ATF7IP2: variants seen among roughly 807,000 people sequenced by gnomAD.
ATF7IP2 encodes the protein activating transcription factor 7 interacting protein 2, also known as activating transcription factor 7-interacting protein 2.
In ATF7IP2, 42 loss-of-function variants were observed where a neutral mutation model predicts 64.2. The observed-to-expected ratio is 0.65, with a 90% CI of 0.51 to 0.85. ATF7IP2 has a LOEUF of 0.85. Among genes scored for constraint, ATF7IP2 ranks in the 40% least tolerant of loss-of-function variants. ATF7IP2 has a pLI of 0.00. For missense variants in ATF7IP2, 933 were observed against 784.2 expected, an observed-to-expected ratio of 1.19 and a Z score of -2.27; for synonymous variants, 308 against 272.8, an observed-to-expected ratio of 1.13 and a Z score of -1.27.
chr16:10,467,063 T>A (rs17603671), intron 9 of ATF7IP2, among the ~76,000 whole-genome samples: 1,963 of 151,978 alleles, frequency 0.013, 29 homozygotes, highest in Non-Finnish European at 0.017. Context: ...CCAAATAGAG[T>A]AGGATCTGAT....
chr16:10,448,984 C>T (rs1156294488), intron 8 of ATF7IP2: 1 of 152,072 alleles, frequency 6.6e-6, no homozygotes, highest in East Asian at 1.9e-4. Context: ...AGATATGTTC[C>T]ATCAGTACCT....
intron 9 of ATF7IP2, among the ~76,000 whole-genome samples, chr16:10,469,228 A>G (rs1434640176): frequency 6.6e-6 from 1 of 152,160 alleles, no homozygotes. Context: ...TATTGCCAAT[A>G]TATCAGTGAA....
At chr16:10,441,687 T>C (rs1445845286) in intron 8 of ATF7IP2, among the ~76,000 whole-genome samples, 1 of 152,252 alleles carries the variant, frequency 6.6e-6, no homozygotes, top group Non-Finnish European at 1.5e-5. Flanking sequence ...TCTCCCATTC[T>C]GTAGGTTGCC....
chr16:10,447,912 G>C (rs1026644564), intron 8 of ATF7IP2: 1 of 152,142 alleles, frequency 6.6e-6, no homozygotes, highest in Non-Finnish European at 1.5e-5. Context: ...TAGGTCTTAT[G>C]GTTAAGTCTT....
rs551402222 is a variant in ATF7IP2 at position 10,474,050 on chromosome 16, G to A, written c.1549+61G>A. The A allele has an allele frequency of 1.2e-3, 1,304 of 1,085,660 alleles. 29 individuals are homozygous for A. The South Asian group carries it at 0.017, about 14-fold the overall frequency. 67.3% of individuals were successfully genotyped at this position (1,085,660 alleles called of 1,614,324 possible). A position where few individuals can be genotyped will look rare whatever the true frequency, so the allele number is the denominator to read the frequency against. ...GGAGGGAAGGGTAACAACTCATAATGCACTGGGTCTACTTATGAAGTTTGT... is the reference window on the plus strand; with the variant it reads ...GGAGGGAAGGGTAACAACTCATAATACACTGGGTCTACTTATGAAGTTTGT... On this transcript the variant is annotated intron_variant, in intron 12 of 13. Coordinates refer to ENST00000562102, the MANE Select transcript of ATF7IP2 (RefSeq NM_001393719.1).
At position 10,426,519 on chromosome 16, in the gene ATF7IP2, A is replaced by G. The variant is rs916515218; in HGVS notation, c.-159-2349A>G. Among the ~76,000 whole-genome samples, 6 of 152,164 alleles carry G rather than the reference A, an allele frequency of 3.9e-5. No individual in the cohort carries two copies. The South Asian group carries it at 1.2e-3, about 32-fold the overall frequency. ...AAGTGTGTAATGTTAATGACCATTT[A>G]GTTCATGTTTTTCATGAAGTTTAAC... On this transcript the variant is annotated intron_variant, in intron 3 of 13. Coordinates refer to ENST00000562102, the MANE Select transcript of ATF7IP2 (RefSeq NM_001393719.1).
intron 3 of ATF7IP2, among the ~76,000 whole-genome samples, chr16:10,420,840 T>G (rs1266506357): frequency 1.3e-5 from 2 of 152,222 alleles, no homozygotes; most frequent in African/African-American, 2.4e-5. Context: ...CTTTTTGAGC[T>G]GAAGTATAGG....
At chr16:10,478,124 G>A (rs1267678094) in intron 12 of ATF7IP2, among the ~76,000 whole-genome samples, 4 of 150,870 alleles carry the variant, frequency 2.7e-5, no homozygotes, top group African/African-American at 9.8e-5. Context: ...AGCTACCAAT[G>A]ACTTTCTTCA....
chr16:10,396,043 A>G (rs945195719), intron 1 of ATF7IP2, among the ~76,000 whole-genome samples: 9 of 152,232 alleles, frequency 5.9e-5, no homozygotes, highest in Admixed American at 6.5e-5. Context: ...CATTAAAGAT[A>G]AAAGCCAGTT....
chr16:10,391,083 A>C (rs1273387593), intron 1 of ATF7IP2, among the ~76,000 whole-genome samples: 3 of 151,934 alleles, frequency 2.0e-5, no homozygotes, highest in Non-Finnish European at 4.4e-5. Flanking sequence ...GCTGAGCCCA[A>C]GAGTTCAAGG....
At chr16:10,439,030 C>T (rs575812272) in intron 7 of ATF7IP2, among the ~76,000 whole-genome samples, 1 of 129,320 alleles carries the variant, frequency 7.7e-6, no homozygotes, top group Non-Finnish European at 1.6e-5. Flanking sequence ...TCCAGTCTGC[C>T]GACAGCGAGA....
rs965786668 is a variant in ATF7IP2, at chr16:10,407,741, C to G, written c.-241-6833C>G. Among the ~76,000 whole-genome samples the G allele has an allele frequency of 3.3e-5, 5 of 152,032 alleles. No homozygotes were observed. The East Asian group carries it at 5.8e-4, about 18-fold the overall frequency. ...TGTGAGATTTTGGTGCACCCATCACCCGAGCACTATACACTGAACCCAATT... is the reference window on the plus strand; with the variant it reads ...TGTGAGATTTTGGTGCACCCATCACGCGAGCACTATACACTGAACCCAATT... On this transcript the variant is annotated intron_variant, in intron 1 of 13. Transcript: ENST00000562102.
At chr16:10,452,125 T>C (rs2049004683) in intron 8 of ATF7IP2, among the ~76,000 whole-genome samples, 1 of 152,172 alleles carries the variant, frequency 6.6e-6, no homozygotes, top group Non-Finnish European at 1.5e-5. Flanking sequence ...TTCTGTCAAC[T>C]TGTCACCCTC....
intron 4 of ATF7IP2, among the ~76,000 whole-genome samples, chr16:10,429,756 T>A (rs868822310): frequency 7.3e-5 from 10 of 136,528 alleles, no homozygotes; most frequent in African/African-American, 2.3e-4. Flanking sequence ...TTATTTTATT[T>A]TATTATTTTA....
At chr16:10,416,978 T>G (rs577143626) in intron 2 of ATF7IP2, among the ~76,000 whole-genome samples, 3 of 152,252 alleles carry the variant, frequency 2.0e-5, no homozygotes, top group Non-Finnish European at 4.4e-5. Context: ...CCAATGTGAT[T>G]ATTATGCATT....
chr16:10,439,493 C>G (rs2048537645), intron 7 of ATF7IP2, among the ~76,000 whole-genome samples: 1 of 149,604 alleles, frequency 6.7e-6, no homozygotes, highest in South Asian at 2.1e-4. Flanking sequence ...CTCGGCTTCC[C>G]AAAGTGCTGG....
At chr16:10,476,278 G>A (rs2050004622) in intron 12 of ATF7IP2, among the ~76,000 whole-genome samples, 1 of 152,108 alleles carries the variant, frequency 6.6e-6, no homozygotes, top group African/African-American at 2.4e-5. Flanking sequence ...ACACAATACA[G>A]AATCTTGTTC....
intron 13 of ATF7IP2, 30 bp from the exon 14 acceptor site, chr16:10,481,806 A>G: frequency 2.0e-6 from 3 of 1,529,542 alleles, no homozygotes; most frequent in Non-Finnish European, 2.6e-6. Context: ...CCACTTTAAA[A>G]GCTATATTTT....
intron 3 of ATF7IP2, among the ~76,000 whole-genome samples, chr16:10,426,701 A>T (rs1429970597): frequency 6.6e-6 from 1 of 152,214 alleles, no homozygotes; most frequent in African/African-American, 2.4e-5. Flanking sequence ...GTAGAGAAGG[A>T]TGTCACAAGG....
Sources: allele counts gnomAD v4.1 joint callset (sites outside exome capture counted in the v4.1 genomes callset), GRCh38; gene constraint gnomAD v4.1.1; transcripts MANE v1.5; gene names NCBI Gene and HGNC (gene_info 2026-07-23, HGNC 2026-07-21).